The following RBM26 variants were observed in gnomAD, a reference collection of about 807,000 sequenced individuals.
RBM26 encodes RNA binding motif protein 26.
A neutral mutation model predicts 123.6 loss-of-function variants in RBM26; 30 were observed. The observed-to-expected ratio is 0.24, with a 90% confidence interval of 0.18 to 0.33. The LOEUF (loss-of-function observed/expected upper bound fraction) is 0.33, where lower values mean the gene tolerates loss of function less well. RBM26 is among the 10% of genes least tolerant of loss of function. The pLI is 1.00. For missense variants in RBM26, 947 were observed against 1,203.6 expected (o/e 0.79, Z 3.15); for synonymous variants, 400 against 404.4 (o/e 0.99, Z 0.13).
chr13:79,366,249 G>A (rs928371020), intron 7 of RBM26, 54 bp from the exon 8 acceptor site: 25 of 1,564,238 alleles, frequency 1.6e-5, no homozygotes, highest in East Asian at 2.3e-5. Flanking sequence ...AATAAAACAA[G>A]TTATTGCACA....
At chr13:79,369,053 C>A (rs1324685960) in intron 5 of RBM26, 63 bp from the exon 6 acceptor site, 3 of 1,051,338 alleles carry the variant, frequency 2.9e-6, no homozygotes, top group South Asian at 2.6e-5. Context: ...AGTCCCAGAT[C>A]TAAGAAATAG....
chr13:79,343,137 A>G (rs1480138672), intron 16 of RBM26, among the ~76,000 whole-genome samples: 2 of 151,848 alleles, frequency 1.3e-5, no homozygotes, highest in East Asian at 3.8e-4. Context: ...AAAATTATCA[A>G]TTTGAAAAAT....
At chr13:79,317,492 T>C (rs758319636), downstream of RBM26, among the ~76,000 whole-genome samples, 4 of 151,582 alleles carry the variant, frequency 2.6e-5, no homozygotes, top group Non-Finnish European at 5.9e-5. Flanking sequence ...AGTTGCAGAA[T>C]TGGGACCAAA....
downstream of RBM26, chr13:79,315,008 G>T: frequency 7.7e-7 from 1 of 1,292,932 alleles, no homozygotes; most frequent in Non-Finnish European, 1.0e-6. Context: ...AAAAAGAGAA[G>T]ACTATTAAAA....
chr13:79,369,230 G>A (rs2075636973), intron 5 of RBM26, among the ~76,000 whole-genome samples: 1 of 151,886 alleles, frequency 6.6e-6, no homozygotes, highest in African/African-American at 2.4e-5. Context: ...TTTTTCCTTA[G>A]AGTTTTGTTT....
intron 16 of RBM26, 31 bp downstream of exon 16, chr13:79,344,217 A>T: frequency 7.3e-7 from 1 of 1,365,384 alleles, no homozygotes; most frequent in Non-Finnish European, 1.0e-6. Context: ...TAACATTTGC[A>T]ATTTGGCCAA....
At chr13:79,321,750 T>A (rs1292187590) in intron 21 of RBM26, among the ~76,000 whole-genome samples, 1 of 151,402 alleles carries the variant, frequency 6.6e-6, no homozygotes, top group Non-Finnish European at 1.5e-5. Context: ...TCCTTTAAAA[T>A]TTTTGGGATG....
At position 79,371,938 on chromosome 13, in the gene RBM26, A is replaced by G; in HGVS notation, c.328-8T>C. ...CTCTTCCTCCTTAGTGATCTGATTA[A>G]AAAAAAAAAAAAAAGTGTACAAGTT... On this transcript the variant is annotated splice_region_variant and splice_polypyrimidine_tract_variant and intron_variant, in intron 3 of 21. Coordinates refer to ENST00000438737, the MANE Select transcript of RBM26 (RefSeq NM_001366735.2). 2 of 671,222 alleles carry G rather than the reference A, an allele frequency of 3.0e-6. No homozygotes were observed. Among genetic ancestry groups the G allele is most frequent in the South Asian group, 3.1e-5 (1 of 31,912 alleles). 41.6% of individuals were successfully genotyped at this position (671,222 alleles called of 1,614,324 possible).
At position 79,405,885 on chromosome 13, in the gene RBM26, G is replaced by A; in HGVS notation, c.-111C>T. On this transcript the variant is annotated 5_prime_UTR_variant, in exon 1 of 22. Coordinates refer to ENST00000438737, the MANE Select transcript of RBM26 (RefSeq NM_001366735.2). ...GCGCGCCGCCCGCGTGGGCCGCGGT[G>A]GGAGGCGCCGGTGGCAGGTTCCCGC... The A allele has an allele frequency of 2.0e-6, 1 of 510,764 alleles. No individual in the cohort carries two copies. Among genetic ancestry groups the A allele is most frequent in the Non-Finnish European group, 3.0e-6 (1 of 331,272 alleles). The allele number at this position is 510,764 out of a possible 1,614,324, so 31.6% of individuals were successfully genotyped here.
At chr13:79,323,885 A>G (rs1370920098) in intron 20 of RBM26, among the ~76,000 whole-genome samples, 1 of 151,792 alleles carries the variant, frequency 6.6e-6, no homozygotes, top group African/African-American at 2.4e-5. Flanking sequence ...TTTGCTTTGT[A>G]AAGATGTAAA....
intron 4 of RBM26, among the ~76,000 whole-genome samples, 173 bp downstream of exon 4, chr13:79,371,669 A>G (rs1404214076): frequency 2.0e-5 from 3 of 152,200 alleles, no homozygotes; most frequent in Non-Finnish European, 4.4e-5. Flanking sequence ...CACTCCCAAG[A>G]TCTACAAATC....
intron 3 of RBM26, among the ~76,000 whole-genome samples, chr13:79,373,373 T>C (rs1483710877): frequency 1.9e-5 from 2 of 102,632 alleles, no homozygotes; most frequent in Non-Finnish European, 3.5e-5. Context: ...ATATATAATA[T>C]ATATTATATA....
intron 4 of RBM26, 134 bp from the exon 5 acceptor site, chr13:79,371,296 A>G (rs1370302401): frequency 8.6e-6 from 6 of 699,906 alleles, no homozygotes; most frequent in Non-Finnish European, 1.4e-5. Flanking sequence ...GAAAAAACTG[A>G]GCTTAATATT....
At chr13:79,394,555 T>C (rs574507774) in intron 1 of RBM26, among the ~76,000 whole-genome samples, 6 of 152,330 alleles carry the variant, frequency 3.9e-5, no homozygotes, top group South Asian at 2.1e-4. Flanking sequence ...ATTCCGTGCC[T>C]TTCTCAACAT....
intron 1 of RBM26, among the ~76,000 whole-genome samples, chr13:79,379,188 G>C (rs1382908907): frequency 6.6e-6 from 1 of 151,896 alleles, no homozygotes; most frequent in South Asian, 2.1e-4. Flanking sequence ...TAGGAATTCA[G>C]ATTTTATAAA....
Position 79,368,911 on chromosome 13 carries a change from T to C in RBM26, c.714A>G (p.Val238=). The C allele has an allele frequency of 1.2e-6, 2 of 1,611,590 alleles. No homozygotes were observed. The highest frequency in any genetic ancestry group is 1.7e-6 in the Non-Finnish European group (2 of 1,177,764). Residue 238 remains valine, a synonymous_variant, in exon 6 of 22, where the codon GTA becomes GTG. Coordinates refer to ENST00000438737, the MANE Select transcript of RBM26 (RefSeq NM_001366735.2). ...LENNYTPVSS[V]PSISSGHYPV... ...GGTAGTGGCCAGATGAAATACTAGG[T>C]ACCGAAGAGACTGGAGTATAATTAT... is the stretch of plus-strand genomic sequence containing the variant.
At chr13:79,361,785 A>G (rs971754805) in intron 9 of RBM26, among the ~76,000 whole-genome samples, 2 of 152,140 alleles carry the variant, frequency 1.3e-5, no homozygotes, top group African/African-American at 4.8e-5. Context: ...ACATTTGTCA[A>G]GTAGTTATAC....
At chr13:79,377,310 TA>T in intron 3 of RBM26, 68 bp downstream of exon 3, 2 of 1,405,362 alleles carry the variant, frequency 1.4e-6, no homozygotes, top group Non-Finnish European at 2.0e-6. Context: ...ATATAGAAGA[TA>T]AAAACTCAGT....
chr13:79,359,789 AATATAT>A (rs59451742), intron 9 of RBM26, 103 bp from the exon 10 acceptor site: 1 of 245,360 alleles, frequency 4.1e-6, no homozygotes, highest in Non-Finnish European at 7.7e-6. Flanking sequence ...CTTTTGTCTA[AATATAT>A]ATATATATAT....
Sources: allele counts gnomAD v4.1 joint callset (sites outside exome capture counted in the v4.1 genomes callset), GRCh38; gene constraint gnomAD v4.1.1; transcripts MANE v1.5; gene names NCBI Gene and HGNC (gene_info 2026-07-23, HGNC 2026-07-21).